HEPHL1: variants seen among roughly 807,000 people sequenced by gnomAD.
The protein encoded by HEPHL1 is ferroxidase HEPHL1.
HEPHL1 carries 123 observed loss-of-function variants against 122.0 expected under a neutral mutation model. The observed-to-expected ratio is 1.01, with a 90% CI of 0.87 to 1.17. HEPHL1 has a LOEUF of 1.17. HEPHL1 is among the 50% of genes most tolerant of loss of function. The pLI, the probability that HEPHL1 is intolerant of heterozygous loss-of-function variation, is 0.00. For missense variants in HEPHL1, 1,452 were observed against 1,430.5 expected, an observed-to-expected ratio of 1.01 and a Z score of -0.24; for synonymous variants, 527 against 508.9, an observed-to-expected ratio of 1.04 and a Z score of -0.48.
At chr11:94,027,983 C>T (rs1945640885) in intron 1 of HEPHL1, among the ~76,000 whole-genome samples, 1 of 151,890 alleles carries the variant, frequency 6.6e-6, no homozygotes, top group Non-Finnish European at 1.5e-5. Context: ...TTTTTTTCTC[C>T]TTGGTGAAGA....
At chr11:94,111,133 C>A in intron 18 of HEPHL1, 68 bp downstream of exon 18, 1 of 1,392,418 alleles carries the variant, frequency 7.2e-7, no homozygotes, top group Non-Finnish European at 9.7e-7. Context: ...AAACAGGAGG[C>A]ATGACAAAAA....
At position 94,106,595 on chromosome 11, in the gene HEPHL1, T is replaced by C. The variant is rs1226614122; in HGVS notation, c.3045+465T>C. 2.2e-4 allele frequency among the ~76,000 whole-genome samples: 34 copies of C among 152,152 alleles called. 2 individuals are homozygous for C. Among genetic ancestry groups the C allele is most frequent in the Admixed American group, 2.2e-3 (34 of 15,268 alleles). ...CAGGCGTGAGCCACCACGCCAGGCC[T>C]GGCTATTTCTTAATATGTATATGTA... is the stretch of plus-strand genomic sequence containing the variant. On this transcript the variant is annotated intron_variant, in intron 17 of 19. Transcript: ENST00000315765.
Position 94,106,002 on chromosome 11 carries a change from A to G in HEPHL1, c.2917A>G (p.Lys973Glu), listed in dbSNP as rs762671412. The G allele has an allele frequency of 6.4e-7, 1 of 1,574,208 alleles. No individual in the cohort carries two copies. The highest frequency in any genetic ancestry group is 1.3e-5 in the African/African-American group (1 of 74,214). ...ATCACCTTTTAAAGCCATTAATGGAAAGATTTTTGGGAATCTCCATGGCCT... is the reference window on the plus strand; with the variant it reads ...ATCACCTTTTAAAGCCATTAATGGAGAGATTTTTGGGAATCTCCATGGCCT... ...ESNRMHAING[K>E]IFGNLHGLIM... The change falls in exon 17 of 20, where the codon AAG becomes GAG. Residue 973 changes from lysine to glutamate, a missense_variant. Lys to Glu is a moderately conservative substitution (Grantham distance 56). Coordinates refer to ENST00000315765, the MANE Select transcript of HEPHL1 (RefSeq NM_001098672.2).
intron 15 of HEPHL1, among the ~76,000 whole-genome samples, chr11:94,104,179 A>G (rs542311575): frequency 6.6e-6 from 1 of 152,278 alleles, no homozygotes; most frequent in Admixed American, 6.5e-5. Flanking sequence ...GGACATGTTG[A>G]GAGTCCCATT....
chr11:94,049,000 A>G (rs954938509), intron 2 of HEPHL1, among the ~76,000 whole-genome samples: 1 of 152,054 alleles, frequency 6.6e-6, no homozygotes, highest in Non-Finnish European at 1.5e-5. Context: ...ACATGCCTAT[A>G]ACCCCAGCTA....
intron 1 of HEPHL1, among the ~76,000 whole-genome samples, chr11:94,036,089 C>T (rs561690680): frequency 6.6e-6 from 1 of 152,308 alleles, no homozygotes; most frequent in South Asian, 2.1e-4. Flanking sequence ...TATACCACCA[C>T]TGAAATGCCT....
intron 2 of HEPHL1, among the ~76,000 whole-genome samples, chr11:94,058,533 A>C (rs1319049710): frequency 6.6e-6 from 1 of 152,110 alleles, no homozygotes; most frequent in Non-Finnish European, 1.5e-5. Flanking sequence ...AATGGAACTT[A>C]GAAGTGGGTT....
chr11:94,067,336 A>G (rs1490180028), intron 4 of HEPHL1, among the ~76,000 whole-genome samples, 160 bp from the exon 5 acceptor site: 2 of 152,126 alleles, frequency 1.3e-5, no homozygotes, highest in Non-Finnish European at 2.9e-5. Context: ...TCTCTTTTGG[A>G]CAATATATAT....
intron 2 of HEPHL1, among the ~76,000 whole-genome samples, chr11:94,061,581 G>A (rs1479822330): frequency 6.6e-6 from 1 of 152,040 alleles, no homozygotes; most frequent in Non-Finnish European, 1.5e-5. Context: ...TGGATGAGGG[G>A]CAGCTCTCTG....
chr11:94,062,437 T>A (rs930815712), intron 2 of HEPHL1, among the ~76,000 whole-genome samples: 1 of 152,164 alleles, frequency 6.6e-6, no homozygotes, highest in African/African-American at 2.4e-5. Flanking sequence ...AACATTAGAT[T>A]TTTTAGTTTT....
intron 1 of HEPHL1, among the ~76,000 whole-genome samples, chr11:94,036,493 C>T (rs966359657): frequency 2.6e-5 from 4 of 152,118 alleles, no homozygotes; most frequent in African/African-American, 9.7e-5. Flanking sequence ...AGTCATCTCA[C>T]AACTTTTCAG....
chr11:94,026,660 C>T (rs767625233), intron 1 of HEPHL1, among the ~76,000 whole-genome samples: 1 of 152,168 alleles, frequency 6.6e-6, no homozygotes, highest in Non-Finnish European at 1.5e-5. Context: ...GGTTAGCACA[C>T]CATGAAGTGG....
intron 8 of HEPHL1, 130 bp downstream of exon 8, chr11:94,073,569 T>C: frequency 1.2e-6 from 1 of 839,022 alleles, no homozygotes; most frequent in Non-Finnish European, 1.8e-6. Context: ...ACTTAAACTT[T>C]CTGAACCTGA....
At chr11:94,043,440 G>C (rs1157513529) in intron 1 of HEPHL1, among the ~76,000 whole-genome samples, 1 of 152,090 alleles carries the variant, frequency 6.6e-6, no homozygotes, top group African/African-American at 2.4e-5. Flanking sequence ...GGCTGGCTGG[G>C]GGATGAATGA....
At chr11:94,042,886 A>AAAAAAAAAAAAAC (rs1454089883) in intron 1 of HEPHL1, among the ~76,000 whole-genome samples, 5 of 149,114 alleles carry the variant, frequency 3.4e-5, no homozygotes, top group South Asian at 2.1e-4. Context: ...AAAAAAAAAA[A>AAAAAAAAAAAAAC]AAAAAAACTG....
At chr11:94,041,165 A>G (rs2134411990) in intron 1 of HEPHL1, among the ~76,000 whole-genome samples, 1 of 150,148 alleles carries the variant, frequency 6.7e-6, no homozygotes, top group East Asian at 2.0e-4. Context: ...CCAACTTACA[A>G]GGGATGTGAA....
chr11:94,042,736 G>C (rs922444371), intron 1 of HEPHL1, among the ~76,000 whole-genome samples: 3 of 110,158 alleles, frequency 2.7e-5, no homozygotes, highest in South Asian at 7.8e-4. Flanking sequence ...GGGGTGGGGG[G>C]AGGGGGTAGG....
In HEPHL1 at chr11:94,106,046, A is replaced by C; in HGVS notation, c.2961A>C (p.Thr987=). ...NLHGLIMNED[T]MTNWYLLGIG... is the part of the protein sequence containing the mutation. The stretch of plus-strand genomic sequence containing the variant: ...ATGGCCTCATAATGAACGAAGATAC[A>C]ATGACAAACTGGTATTTGTTAGGGA... Residue 987 remains threonine (T), a synonymous_variant, in exon 17 of 20, where the codon ACA becomes ACC. Transcript: ENST00000315765. 1 of 1,601,578 alleles carries C rather than the reference A, an allele frequency of 6.2e-7. No individual in the cohort carries two copies. The highest frequency in any genetic ancestry group is 8.5e-7 in the Non-Finnish European group (1 of 1,171,448).
At chr11:94,106,724 A>T (rs1025609623) in intron 17 of HEPHL1, among the ~76,000 whole-genome samples, 1 of 152,156 alleles carries the variant, frequency 6.6e-6, no homozygotes, top group African/African-American at 2.4e-5. Flanking sequence ...TTAATATTGT[A>T]TATGAAACCA....
Sources: allele counts gnomAD v4.1 joint callset (sites outside exome capture counted in the v4.1 genomes callset), GRCh38; gene constraint gnomAD v4.1.1; transcripts MANE v1.5; gene names NCBI Gene and HGNC (gene_info 2026-07-23, HGNC 2026-07-21).